EPHA6: variants seen among roughly 807,000 people sequenced by gnomAD.
EPHA6 encodes the protein ephrin type-A receptor 6.
EPHA6 carries 50 observed loss-of-function variants against 112.0 expected under a neutral mutation model. The ratio of observed to expected loss-of-function variants is 0.45; its 90% CI spans 0.36 to 0.56. The LOEUF (loss-of-function observed/expected upper bound fraction) is 0.56, where lower values mean the gene tolerates loss of function less well. EPHA6 is among the 20% of genes least tolerant of loss of function. EPHA6 has a pLI of 0.00. For missense variants in EPHA6, 1,280 were observed against 1,417.4 expected, an observed-to-expected ratio of 0.90 and a Z score of 1.56; for synonymous variants, 529 against 490.7, an observed-to-expected ratio of 1.08 and a Z score of -1.03.
intron 5 of EPHA6, among the ~76,000 whole-genome samples, chr3:97,300,987 C>A (rs1266903054): frequency 6.6e-6 from 1 of 152,126 alleles, no homozygotes; most frequent in African/African-American, 2.4e-5. Context: ...CTTCTTGCAG[C>A]AGGTGACCTC....
chr3:97,646,183 G>A (rs1359255818), intron 14 of EPHA6: 1 of 1,535,750 alleles, frequency 6.5e-7, no homozygotes, highest in South Asian at 1.2e-5. Context: ...GAAAGCTTGT[G>A]TGAGCAGTGC....
chr3:97,631,391 A>C (rs1054837023), intron 13 of EPHA6, among the ~76,000 whole-genome samples: 1 of 152,024 alleles, frequency 6.6e-6, no homozygotes, highest in Non-Finnish European at 1.5e-5. Context: ...TTTGTAAACC[A>C]TCTAGTAAGG....
intron 2 of EPHA6, among the ~76,000 whole-genome samples, chr3:96,900,270 T>G (rs1559813582): frequency 6.6e-6 from 1 of 152,138 alleles, no homozygotes; most frequent in Non-Finnish European, 1.5e-5. Flanking sequence ...ATTGAACTAG[T>G]GAGAAGAAAG....
chr3:96,904,634 A>C lies in EPHA6; in HGVS notation c.450+37745A>C, dbSNP rs576684829. Among the ~76,000 whole-genome samples, 13 of 152,114 alleles carry C rather than the reference A, an allele frequency of 8.5e-5. No individual in the cohort carries two copies. In the South Asian group the frequency reaches 2.7e-3, roughly 32 times the overall value. On this transcript the variant is annotated intron_variant, in intron 2 of 17. Transcript: ENST00000389672. ...AAAAAAAAAAAACTCTTCACAATAA[A>C]TGTTTTTGTTGAAGTTTATTTTATT... is the stretch of plus-strand genomic sequence containing the variant.
chr3:96,850,402 C>A (rs1167760471), intron 1 of EPHA6, among the ~76,000 whole-genome samples: 1 of 152,066 alleles, frequency 6.6e-6, no homozygotes, highest in Non-Finnish European at 1.5e-5. Context: ...AGGAACTGTC[C>A]TAGAAGCCTT....
rs180706708 is a variant in EPHA6 at position 97,486,856 on chromosome 3, G to A, written c.2200+2797G>A. On this transcript the variant is annotated intron_variant, in intron 10 of 17. Transcript: ENST00000389672. ...TGCTCAAATTGAAGAAGAACCAGTCGTGTAACATCTGTGTACCACTGGTTA... is the reference window on the plus strand; with the variant it reads ...TGCTCAAATTGAAGAAGAACCAGTCATGTAACATCTGTGTACCACTGGTTA... 6.6e-5 allele frequency among the ~76,000 whole-genome samples: 10 copies of A among 152,190 alleles called. No homozygotes were observed. In the East Asian group the frequency reaches 9.6e-4, roughly 15 times the overall value.
chr3:97,437,339 T>G (rs1279249210), intron 6 of EPHA6, among the ~76,000 whole-genome samples: 1 of 152,176 alleles, frequency 6.6e-6, no homozygotes, highest in Non-Finnish European at 1.5e-5. Flanking sequence ...CAAAGGACCA[T>G]GCACATGTTG....
At chr3:97,206,684 G>A (rs569928126) in intron 3 of EPHA6, among the ~76,000 whole-genome samples, 3 of 151,888 alleles carry the variant, frequency 2.0e-5, no homozygotes, top group Non-Finnish European at 4.4e-5. Flanking sequence ...TTTAATCTCC[G>A]TGTCTAATAT....
At chr3:97,525,785 T>C (rs2092609919) in intron 10 of EPHA6, among the ~76,000 whole-genome samples, 1 of 152,174 alleles carries the variant, frequency 6.6e-6, no homozygotes, top group Non-Finnish European at 1.5e-5. Flanking sequence ...GAAGCTGTAG[T>C]TGGTGTGGGT....
intron 3 of EPHA6, among the ~76,000 whole-genome samples, chr3:97,012,607 G>GTGTGTGTA (rs368002096): frequency 1.1e-4 from 14 of 132,092 alleles, no homozygotes; most frequent in East Asian, 8.9e-4. Flanking sequence ...GTGTGTGTGT[G>GTGTGTGTA]TATATATATA....
chr3:97,535,049 G>GACACACACAC (rs3033947), intron 11 of EPHA6, among the ~76,000 whole-genome samples: 17 of 150,054 alleles, frequency 1.1e-4, no homozygotes, highest in African/African-American at 4.2e-4. Flanking sequence ...CTCAATCACA[G>GACACACACAC]ACACACACAC....
chr3:96,863,462 A>C (rs568136367), intron 1 of EPHA6, among the ~76,000 whole-genome samples: 10 of 152,088 alleles, frequency 6.6e-5, no homozygotes, highest in African/African-American at 2.2e-4. Context: ...ATTTTATTTT[A>C]ATATTGAAAT....
chr3:96,913,203 CACACACACACCA>C (rs1435250285), intron 2 of EPHA6, among the ~76,000 whole-genome samples: 1 of 120,450 alleles, frequency 8.3e-6, no homozygotes, highest in African/African-American at 3.2e-5. Flanking sequence ...CACACACACA[CACACACACACCA>C]CACACACGGG....
intron 11 of EPHA6, among the ~76,000 whole-genome samples, chr3:97,561,679 T>C (rs574239029): frequency 6.6e-6 from 1 of 152,118 alleles, no homozygotes; most frequent in South Asian, 2.1e-4. Flanking sequence ...GCTAGGATAA[T>C]TGATGAAGGT....
intron 9 of EPHA6, chr3:97,481,478 A>C: frequency 8.2e-7 from 1 of 1,217,314 alleles, no homozygotes; most frequent in Non-Finnish European, 1.2e-6. Flanking sequence ...GGCAATAAGG[A>C]AGGCACAAAC....
At chr3:96,855,153 C>G (rs2035619701) in intron 1 of EPHA6, among the ~76,000 whole-genome samples, 1 of 152,274 alleles carries the variant, frequency 6.6e-6, no homozygotes, top group South Asian at 2.1e-4. Context: ...TCCACTAGTT[C>G]TCTGTCTCTC....
intron 6 of EPHA6, chr3:97,441,315 A>G: frequency 4.6e-6 from 1 of 216,338 alleles, no homozygotes; most frequent in Non-Finnish European, 7.9e-6. Flanking sequence ...AGTTCTGCCT[A>G]AGTATATACT....
In EPHA6 at chr3:97,569,172, C is replaced by A. The variant is rs1037022326; in HGVS notation, c.2387-23440C>A. ...GTGAGTCTTTGTTACCACCATAGCTCCTAAAGGCACTGTGTTGCTATTATT... is the reference window on the plus strand; with the variant it reads ...GTGAGTCTTTGTTACCACCATAGCTACTAAAGGCACTGTGTTGCTATTATT... On this transcript the variant is annotated intron_variant, in intron 11 of 17. Coordinates refer to ENST00000389672, the MANE Select transcript of EPHA6 (RefSeq NM_001080448.3). Among the ~76,000 whole-genome samples, 6 of 152,094 alleles carry A rather than the reference C, an allele frequency of 3.9e-5. 1 individual carries two copies. Among genetic ancestry groups the A allele is most frequent in the Non-Finnish European group, 8.8e-5 (6 of 68,022 alleles).
chr3:97,411,667 G>T (rs979782761), intron 6 of EPHA6, among the ~76,000 whole-genome samples: 6 of 152,010 alleles, frequency 3.9e-5, no homozygotes, highest in African/African-American at 1.4e-4. Context: ...CTATCTCTAG[G>T]CTCATGACTG....
Sources: allele counts gnomAD v4.1 joint callset (sites outside exome capture counted in the v4.1 genomes callset), GRCh38; gene constraint gnomAD v4.1.1; transcripts MANE v1.5; gene names NCBI Gene and HGNC (gene_info 2026-07-23, HGNC 2026-07-21).